Variants in TIMMDC1 observed in about 807,000 individuals in gnomAD.
The protein encoded by TIMMDC1 is complex I assembly factor TIMMDC1, mitochondrial.
TIMMDC1 carries 25 observed loss-of-function variants against 32.6 expected under a neutral mutation model. The ratio of observed to expected loss-of-function variants is 0.77; its 90% CI spans 0.56 to 1.07. TIMMDC1 has a LOEUF of 1.07. Among genes scored for constraint, TIMMDC1 ranks in the 50% least tolerant of loss-of-function variants. The pLI, the probability that TIMMDC1 is intolerant of heterozygous loss-of-function variation, is 0.00. For missense variants in TIMMDC1, 329 were observed against 349.2 expected (o/e 0.94, Z 0.46); for synonymous variants, 130 against 127.6 (o/e 1.02, Z -0.13).
At position 119,517,264 on chromosome 3, in the gene TIMMDC1, A is replaced by T. The variant is rs770684540; in HGVS notation, c.656A>T (p.Glu219Val). 1.1e-5 allele frequency: 18 copies of T among 1,613,896 alleles called. No individual in the cohort carries two copies. In the East Asian group the frequency reaches 4.0e-4, roughly 36 times the overall value. The change falls in exon 6 of 7, where the codon GAA (glutamate) becomes GTA (valine). Residue 219 changes from glutamate to valine, a missense_variant. Physicochemically the swap from Glu to Val is moderately radical, Grantham distance 121. Transcript: ENST00000494664. Reference protein sequence around the residue: ...FQKYSGETVQERKQKDRKALH... With the variant: ...FQKYSGETVQVRKQKDRKALH... The stretch of plus-strand genomic sequence containing the variant: ...AAGTACTCTGGTGAGACTGTTCAGG[A>T]AAGAAAACAGAAGGATCGAAAGGCA...
chr3:119,499,258 T>C (rs1476646325), intron 1 of TIMMDC1, among the ~76,000 whole-genome samples: 1 of 150,820 alleles, frequency 6.6e-6, no homozygotes, highest in East Asian at 2.0e-4. Flanking sequence ...CACGCCCGGC[T>C]AATTTTTTTT....
In TIMMDC1 at chr3:119,498,750, C is replaced by T. The variant is rs1380447903; in HGVS notation, c.17C>T (p.Pro6Leu). 9 of 1,614,172 alleles carry T rather than the reference C, an allele frequency of 5.6e-6. No homozygotes were observed. Among genetic ancestry groups the T allele is most frequent in the Non-Finnish European group, 7.6e-6 (9 of 1,180,008 alleles). MEVPP[P>L]APRSFLCRAL... The stretch of plus-strand genomic sequence containing the variant: ...GAGAAGGCCATGGAGGTGCCGCCAC[C>T]GGCACCGCGGAGCTTTCTCTGTAGA... The change falls in exon 1 of 7, where the codon CCG becomes CTG. Residue 6 changes from proline to leucine, a missense_variant. Pro to Leu is a moderately conservative substitution (Grantham distance 98). Coordinates refer to ENST00000494664, the MANE Select transcript of TIMMDC1 (RefSeq NM_016589.4).
chr3:119,511,789 A>C (rs1242922729), intron 4 of TIMMDC1, among the ~76,000 whole-genome samples: 2 of 152,240 alleles, frequency 1.3e-5, no homozygotes, highest in Non-Finnish European at 2.9e-5. Flanking sequence ...GACGTACCAC[A>C]AATAACTTGT....
Position 119,524,251 on chromosome 3 carries a change from C to T in TIMMDC1, c.*495C>T, listed in dbSNP as rs2082050627. ...AAATAAACAAAGATGATTTCTTTGA[C>T]ACTTGAAATAAAATACAAATTCAAC... On this transcript the variant is annotated 3_prime_UTR_variant, in exon 7 of 7. Transcript: ENST00000494664. 6.6e-6 allele frequency: 1 copy of T among 152,142 alleles called. No individual in the cohort carries two copies. The highest frequency in any genetic ancestry group is 2.4e-5 in the African/African-American group (1 of 41,412). 9.4% of individuals were successfully genotyped at this position (152,142 alleles called of 1,614,324 possible). A position where few individuals can be genotyped will look rare whatever the true frequency, so the allele number is the denominator to read the frequency against.
intron 5 of TIMMDC1, among the ~76,000 whole-genome samples, chr3:119,514,723 CATGT>C (rs1378911337): frequency 6.6e-6 from 1 of 152,134 alleles, no homozygotes; most frequent in Non-Finnish European, 1.5e-5. Flanking sequence ...ACAAACTGAG[CATGT>C]ATTGCATGTG....
chr3:119,500,917 C>T (rs2081869912), intron 2 of TIMMDC1, 57 bp downstream of exon 2: 16 of 1,531,578 alleles, frequency 1.0e-5, no homozygotes, highest in Middle Eastern at 3.5e-4. Context: ...ATTCACTTTA[C>T]ACTTAATCAT....
intron 6 of TIMMDC1, among the ~76,000 whole-genome samples, chr3:119,519,717 A>G (rs561705310): frequency 7.9e-5 from 12 of 152,218 alleles, no homozygotes; most frequent in Non-Finnish European, 1.8e-4. Context: ...TAGACAGAAA[A>G]TCAACAAAGA....
At chr3:119,509,069 G>T (rs2081936715) in intron 4 of TIMMDC1, among the ~76,000 whole-genome samples, 1 of 152,096 alleles carries the variant, frequency 6.6e-6, no homozygotes. Flanking sequence ...AGCTGGGCAT[G>T]GTGGTGCACA....
At chr3:119,516,431 C>T (rs1031180406) in intron 5 of TIMMDC1, among the ~76,000 whole-genome samples, 1 of 151,992 alleles carries the variant, frequency 6.6e-6, no homozygotes, top group African/African-American at 2.4e-5. Context: ...AACGGATTGC[C>T]CTCTTTTTTA....
chr3:119,517,336 A>G, intron 6 of TIMMDC1, 21 bp downstream of exon 6: 10 of 1,547,762 alleles, frequency 6.5e-6, no homozygotes, highest in Non-Finnish European at 8.9e-6. Flanking sequence ...TGTTGAGCCC[A>G]GGGAATCTTG....
At chr3:119,510,074 T>C (rs1281387839) in intron 4 of TIMMDC1, among the ~76,000 whole-genome samples, 1 of 152,158 alleles carries the variant, frequency 6.6e-6, no homozygotes, top group Non-Finnish European at 1.5e-5. Flanking sequence ...GTTAAAAATA[T>C]ATTAACACAG....
intron 4 of TIMMDC1, 26 bp from the exon 5 acceptor site, chr3:119,513,615 A>G (rs762392237): frequency 5.8e-6 from 9 of 1,555,330 alleles, no homozygotes; most frequent in Admixed American, 3.3e-5. Flanking sequence ...AGATGATTTA[A>G]TATTGCCTTT....
intron 6 of TIMMDC1, among the ~76,000 whole-genome samples, chr3:119,517,712 A>G (rs2081995495): frequency 6.6e-6 from 1 of 152,184 alleles, no homozygotes; most frequent in African/African-American, 2.4e-5. Flanking sequence ...TCATGCCTGT[A>G]ATCCCAGCAC....
chr3:119,503,420 A>G (rs13092762), intron 2 of TIMMDC1, 112 bp from the exon 3 acceptor site: 1,055 of 678,364 alleles, frequency 1.6e-3, no homozygotes, highest in Non-Finnish European at 2.2e-3. Context: ...TAGTATTTCT[A>G]TCTGTTTGGG....
At chr3:119,503,495 G>A (rs759016186) in intron 2 of TIMMDC1, 37 bp from the exon 3 acceptor site, 13 of 1,500,458 alleles carry the variant, frequency 8.7e-6, no homozygotes, top group African/African-American at 2.8e-5. Context: ...AAATATGATG[G>A]TGTCTTAGAA....
chr3:119,520,171 TAAAC>T (rs566630265), intron 6 of TIMMDC1, among the ~76,000 whole-genome samples: 16 of 151,860 alleles, frequency 1.1e-4, no homozygotes, highest in Non-Finnish European at 1.8e-4. Context: ...ATGTTTCAAA[TAAAC>T]AACCTAACAC....
At chr3:119,519,848 A>G (rs976577645) in intron 6 of TIMMDC1, among the ~76,000 whole-genome samples, 7 of 152,206 alleles carry the variant, frequency 4.6e-5, no homozygotes, top group Non-Finnish European at 7.4e-5. Context: ...AGGATAAACC[A>G]TATGTTAGGC....
Position 119,517,224 on chromosome 3 carries a change from C to T in TIMMDC1, c.616C>T (p.Leu206=), listed in dbSNP as rs1412463293. The change falls in exon 6 of 7, where the codon CTG becomes TTG. Residue 206 remains leucine (L), a synonymous_variant. Coordinates refer to ENST00000494664, the MANE Select transcript of TIMMDC1 (RefSeq NM_016589.4). ...ALLGTPVGGL[L]MAFQKYSGET... ...TCTCAGCACTCCTGTAGGAGGCCTG[C>T]TGATGGCATTTCAGAAGTACTCTGG... 2 of 1,613,104 alleles carry T rather than the reference C, an allele frequency of 1.2e-6. No homozygotes were observed. The highest frequency in any genetic ancestry group is 1.7e-6 in the Non-Finnish European group (2 of 1,179,298).
In TIMMDC1 at chr3:119,500,700, A is replaced by C. The variant is rs1560044663; in HGVS notation, c.200A>C (p.Gln67Pro). 6.2e-7 allele frequency: 1 copy of C among 1,613,002 alleles called. No homozygotes were observed. The highest frequency in any genetic ancestry group is 1.7e-5 in the Admixed American group (1 of 59,800). The change falls in exon 2 of 7, where the codon CAG (glutamine) becomes CCG (proline). Residue 67 changes from glutamine (Q) to proline (P), a missense_variant. By Grantham distance (76) the Gln-to-Pro change is moderately conservative (BLOSUM62 -1). Coordinates refer to ENST00000494664, the MANE Select transcript of TIMMDC1 (RefSeq NM_016589.4). ...TTGTCTTTTTGATGTTGTAGTGAAC[A>C]GCAGAGAATTTCAAAGGACCTTGCT... ...RLRELFGKDEQQRISKDLANI... is the reference protein window; with the variant it reads ...RLRELFGKDEPQRISKDLANI...
Sources: allele counts gnomAD v4.1 joint callset (sites outside exome capture counted in the v4.1 genomes callset), GRCh38; gene constraint gnomAD v4.1.1; transcripts MANE v1.5; gene names NCBI Gene and HGNC (gene_info 2026-07-23, HGNC 2026-07-21).